CLSTN1: variants seen among roughly 807,000 people sequenced by gnomAD.
CLSTN1 encodes the protein calsyntenin 1, also known as calsyntenin-1.
Under a neutral mutation model 108.3 loss-of-function variants are expected in CLSTN1, and 28 were observed. That is an observed-to-expected ratio of 0.26 (90% confidence interval 0.19 to 0.35). The LOEUF is 0.35. CLSTN1 is among the 10% of genes least tolerant of loss of function. The pLI is 1.00. For missense variants in CLSTN1, 1,157 were observed against 1,302.6 expected (o/e 0.89, Z 1.72); for synonymous variants, 524 against 534.9 (o/e 0.98, Z 0.28).
At chr1:9,756,532 C>CCATGT in intron 2 of CLSTN1, 22 bp from the exon 3 acceptor site, 1 of 1,607,680 alleles carries the variant, frequency 6.2e-7, no homozygotes, top group South Asian at 1.1e-5. Context: ...AAAGATAAGC[C>CCATGT]CATGTCAGTA....
Position 9,741,142 on chromosome 1 carries a change from G to A in CLSTN1, c.1471C>T (p.His491Tyr), listed in dbSNP as rs1650962993. Residue 491 changes from histidine to tyrosine, a missense_variant, in exon 10 of 19, where the codon CAT becomes TAT. His to Tyr is a moderately conservative substitution (Grantham distance 83, BLOSUM62 2). Coordinates refer to ENST00000377298, the MANE Select transcript of CLSTN1 (RefSeq NM_001009566.3). ...PFSVTEDYPL[H>Y]PSKIETQLVV... ...AGCTGAGTTTCTATCTTGGATGGAT[G>A]GAGCGGGTAATCCTCAGTCACAGAG... 1 of 1,614,162 alleles carries A rather than the reference G, an allele frequency of 6.2e-7. No homozygotes were observed. Among genetic ancestry groups the A allele is most frequent in the Non-Finnish European group, 8.5e-7 (1 of 1,180,016 alleles).
chr1:9,763,692 C>A (rs1481237261), intron 2 of CLSTN1, among the ~76,000 whole-genome samples: 2 of 152,204 alleles, frequency 1.3e-5, no homozygotes, highest in East Asian at 3.8e-4. Context: ...TTCAGCCTAG[C>A]AATGGAAACC....
At chr1:9,820,547 TAA>T (rs1172868856) in intron 1 of CLSTN1, among the ~76,000 whole-genome samples, 6 of 151,956 alleles carry the variant, frequency 3.9e-5, no homozygotes, top group African/African-American at 2.4e-5. Context: ...AAAAAAAACT[TAA>T]GTTTGCTTTA....
intron 2 of CLSTN1, among the ~76,000 whole-genome samples, chr1:9,762,040 C>T (rs1418551934): frequency 2.0e-5 from 3 of 152,298 alleles, no homozygotes; most frequent in South Asian, 2.1e-4. Context: ...TTCTTAGCAT[C>T]GCTGTCGCTC....
At chr1:9,787,623 C>A (rs533464307) in intron 1 of CLSTN1, among the ~76,000 whole-genome samples, 57 of 151,200 alleles carry the variant, frequency 3.8e-4, no homozygotes, top group African/African-American at 1.4e-3. Context: ...AGGATGGTCT[C>A]GATCTCCTGA....
chr1:9,805,575 G>A (rs1228434), intron 1 of CLSTN1, among the ~76,000 whole-genome samples: 124,657 of 152,136 alleles, frequency 0.82, 52,502 homozygotes, highest in Non-Finnish European at 0.92. Flanking sequence ...CACTAAAAAT[G>A]TGTTATTTAG....
At chr1:9,733,304 A>C in intron 16 of CLSTN1, 97 bp downstream of exon 16, 11 of 1,462,600 alleles carry the variant, frequency 7.5e-6, no homozygotes, top group Non-Finnish European at 9.5e-6. Flanking sequence ...GCCATCATGA[A>C]TGCTCTGAGG....
rs527777509 is a variant in CLSTN1 at position 9,782,048 on chromosome 1, G to A, written c.92-8654C>T. On this transcript the variant is annotated intron_variant, in intron 1 of 18. Coordinates refer to ENST00000377298, the MANE Select transcript of CLSTN1 (RefSeq NM_001009566.3). ...CTGATTTAGATTCATTATGTATGTCGGAATCTTGTTTTTTAAAATAAGAGC... is the reference window on the plus strand; with the variant it reads ...CTGATTTAGATTCATTATGTATGTCAGAATCTTGTTTTTTAAAATAAGAGC... 1.5e-4 allele frequency among the ~76,000 whole-genome samples: 23 copies of A among 152,230 alleles called. No individual in the cohort carries two copies. The South Asian group carries it at 2.3e-3, about 15-fold the overall frequency.
chr1:9,782,868 G>A (rs1653312801), intron 1 of CLSTN1, among the ~76,000 whole-genome samples: 1 of 152,210 alleles, frequency 6.6e-6, no homozygotes, highest in Non-Finnish European at 1.5e-5. Context: ...TTAGCCGGGC[G>A]TGGTGGCACA....
At chr1:9,796,222 A>C (rs1448198133) in intron 1 of CLSTN1, among the ~76,000 whole-genome samples, 6 of 147,948 alleles carry the variant, frequency 4.1e-5, no homozygotes, top group African/African-American at 1.5e-4. Flanking sequence ...AGATCATGCC[A>C]CCGCACTCCA....
rs1397591676 is a variant in CLSTN1 at position 9,744,005 on chromosome 1, T to C, written c.1235A>G (p.Asp412Gly). 3.1e-6 allele frequency: 5 copies of C among 1,613,694 alleles called. No homozygotes were observed. The highest frequency in any genetic ancestry group is 1.7e-5 in the Admixed American group (1 of 59,904). The change falls in exon 9 of 19, where the codon GAT becomes GGT. Residue 412 changes from aspartate (D) to glycine (G), a missense_variant and splice_region_variant. Physicochemically the swap from Asp to Gly is moderately conservative, Grantham distance 94. Transcript: ENST00000377298. ...GAGGGAGTAGTGGTGCCGATTCATA[T>C]CTGCAAAGGCAGTTTCTATGGGTAA... is the stretch of plus-strand genomic sequence containing the variant. Reference protein sequence around the residue: ...ETILCSSDKTDMNRHHYSLYV... With the variant: ...ETILCSSDKTGMNRHHYSLYV...
intron 2 of CLSTN1, among the ~76,000 whole-genome samples, chr1:9,769,803 G>A (rs1490653815): frequency 1.3e-5 from 2 of 152,122 alleles, no homozygotes; most frequent in African/African-American, 4.8e-5. Context: ...AGCATTTTGG[G>A]AAGCCGAGGC....
chr1:9,793,075 T>A (rs1473028282), intron 1 of CLSTN1, among the ~76,000 whole-genome samples: 1 of 151,258 alleles, frequency 6.6e-6, no homozygotes, highest in African/African-American at 2.4e-5. Context: ...TGCAGTGGTG[T>A]GATCTCAGCT....
At position 9,743,983 on chromosome 1, in the gene CLSTN1, G is replaced by C. The variant is rs776651505; in HGVS notation, c.1257C>G (p.Ser419=). Residue 419 remains serine, a synonymous_variant, in exon 9 of 19, where the codon TCC becomes TCG. Transcript: ENST00000377298. The part of the protein sequence containing the change: ...DKTDMNRHHY[S]LYVHGCRLIF... Reference sequence around the variant, plus strand: ...TCAGCCGGCACCCGTGGACATAGAGGGAGTAGTGGTGCCGATTCATATCTG... The same window carrying C: ...TCAGCCGGCACCCGTGGACATAGAGCGAGTAGTGGTGCCGATTCATATCTG... 6.2e-7 allele frequency: 1 copy of C among 1,613,998 alleles called. No homozygotes were observed. Among genetic ancestry groups the C allele is most frequent in the Non-Finnish European group, 8.5e-7 (1 of 1,179,998 alleles).
rs150922726 is a variant in CLSTN1 at position 9,795,205 on chromosome 1, G to A, written c.92-21811C>T. On this transcript the variant is annotated intron_variant, in intron 1 of 18. Transcript: ENST00000377298. ...TTTGAGGTGGAGTTTCGTTCTTGTCGCCCAGGCTGGAGTACAGTGGCCCGA... is the reference window on the plus strand; with the variant it reads ...TTTGAGGTGGAGTTTCGTTCTTGTCACCCAGGCTGGAGTACAGTGGCCCGA... Among the ~76,000 whole-genome samples the A allele has an allele frequency of 4.3e-3, 628 of 146,310 alleles. 35 individuals carry two copies. In the East Asian group the frequency reaches 0.046, roughly 11 times the overall value.
Position 9,749,776 on chromosome 1 carries a change from G to C in CLSTN1, c.787C>G (p.Pro263Ala). 2 of 1,614,120 alleles carry C rather than the reference G, an allele frequency of 1.2e-6. No homozygotes were observed. Among genetic ancestry groups the C allele is most frequent in the Non-Finnish European group, 1.7e-6 (2 of 1,179,998 alleles). Residue 263 changes from proline to alanine, a missense_variant, in exon 6 of 19, where the codon CCT becomes GCT. Transcript: ENST00000377298. ...VKISIKPTCT[P>A]GWQGWNNRIE... ...GAATGAAGCTCACCTTGCCACCCAG[G>C]GGTGCAGGTGGGCTTAATGCTGATC... is the stretch of plus-strand genomic sequence containing the variant.
intron 2 of CLSTN1, among the ~76,000 whole-genome samples, chr1:9,769,356 T>G (rs1196221014): frequency 6.6e-6 from 1 of 152,040 alleles, no homozygotes; most frequent in Non-Finnish European, 1.5e-5. Context: ...CACAGCAGCA[T>G]GACCCATAAT....
chr1:9,774,247 C>G (rs1652829263), intron 1 of CLSTN1, among the ~76,000 whole-genome samples: 1 of 152,064 alleles, frequency 6.6e-6, no homozygotes, highest in South Asian at 2.1e-4. Context: ...GAAAAACCCA[C>G]CACTTGACTG....
chr1:9,815,228 C>A (rs1053264811), intron 1 of CLSTN1, among the ~76,000 whole-genome samples: 1 of 152,098 alleles, frequency 6.6e-6, no homozygotes, highest in Admixed American at 6.5e-5. Flanking sequence ...GAAAGCTGAC[C>A]AAAGGCTCAA....
Sources: allele counts gnomAD v4.1 joint callset (sites outside exome capture counted in the v4.1 genomes callset), GRCh38; gene constraint gnomAD v4.1.1; transcripts MANE v1.5; gene names NCBI Gene and HGNC (gene_info 2026-07-23, HGNC 2026-07-21).